MDGA2: variants seen among roughly 807,000 people sequenced by gnomAD.
MDGA2 encodes the protein MAM domain-containing glycosylphosphatidylinositol anchor protein 2.
Under a neutral mutation model 117.8 loss-of-function variants are expected in MDGA2, and 40 were observed. The observed-to-expected ratio is 0.34, with a 90% CI of 0.26 to 0.44. The LOEUF (loss-of-function observed/expected upper bound fraction) is 0.44. Among genes scored for constraint, MDGA2 ranks in the 20% least tolerant of loss-of-function variants. The probability of loss-of-function intolerance (pLI) is 1.00; values close to 1 mark genes in which losing one functional copy is unlikely to be tolerated. For missense variants in MDGA2, 1,123 were observed against 1,250.6 expected, an observed-to-expected ratio of 0.90 and a Z score of 1.54; for synonymous variants, 452 against 439.0, an observed-to-expected ratio of 1.03 and a Z score of -0.37.
chr14:47,262,278 A>T (rs1887822098), intron 2 of MDGA2, among the ~76,000 whole-genome samples: 1 of 152,158 alleles, frequency 6.6e-6, no homozygotes, highest in African/African-American at 2.4e-5. Flanking sequence ...CACTGTGGGA[A>T]TGGTGTAGTG....
chr14:47,323,972 G>T (rs140978071), intron 1 of MDGA2, among the ~76,000 whole-genome samples: 1 of 152,190 alleles, frequency 6.6e-6, no homozygotes, highest in South Asian at 2.1e-4. Flanking sequence ...TGGGCCAGGC[G>T]TGGTGGCTCA....
At chr14:47,351,137 G>A (rs978526039) in intron 1 of MDGA2, among the ~76,000 whole-genome samples, 2 of 147,366 alleles carry the variant, frequency 1.4e-5, no homozygotes, top group Non-Finnish European at 3.0e-5. Flanking sequence ...GGAGTGCAAT[G>A]GCACGATCTT....
At chr14:47,407,862 T>C (rs998464248) in intron 1 of MDGA2, among the ~76,000 whole-genome samples, 1 of 152,060 alleles carries the variant, frequency 6.6e-6, no homozygotes, top group Non-Finnish European at 1.5e-5. Flanking sequence ...AGGTGCAGAT[T>C]CTTGACTGCA....
intron 1 of MDGA2, among the ~76,000 whole-genome samples, chr14:47,620,071 C>T (rs926073484): frequency 1.3e-5 from 2 of 152,192 alleles, no homozygotes; most frequent in Non-Finnish European, 2.9e-5. Context: ...TGCCGGCATA[C>T]ATTAAATCTG....
At chr14:47,140,513 A>G (rs1882672101) in intron 4 of MDGA2, among the ~76,000 whole-genome samples, 1 of 152,142 alleles carries the variant, frequency 6.6e-6, no homozygotes, top group Admixed American at 6.6e-5. Context: ...TAGACAGCAC[A>G]TAACCAAATC....
chr14:47,623,901 TCAAA>T (rs1897094987), intron 1 of MDGA2, among the ~76,000 whole-genome samples: 1 of 152,202 alleles, frequency 6.6e-6, no homozygotes, highest in South Asian at 2.1e-4. Context: ...ATCCATCACT[TCAAA>T]CAAATTCTTT....
chr14:47,256,146 C>T (rs1887611257), intron 2 of MDGA2, among the ~76,000 whole-genome samples: 1 of 145,310 alleles, frequency 6.9e-6, no homozygotes, highest in Non-Finnish European at 1.5e-5. Context: ...ACTCTGATGG[C>T]TATTTTATTC....
chr14:47,275,584 G>C (rs1888285176), intron 2 of MDGA2, among the ~76,000 whole-genome samples: 1 of 152,108 alleles, frequency 6.6e-6, no homozygotes, highest in African/African-American at 2.4e-5. Flanking sequence ...ACTAAATCTA[G>C]ATAACTGTCA....
chr14:47,155,730 G>A (rs1170029588), intron 3 of MDGA2, among the ~76,000 whole-genome samples: 1 of 152,054 alleles, frequency 6.6e-6, no homozygotes, highest in African/African-American at 2.4e-5. Flanking sequence ...CAGCCTAACA[G>A]GCCGAGAGGG....
intron 8 of MDGA2, among the ~76,000 whole-genome samples, chr14:46,959,949 C>T (rs1202417859): frequency 6.6e-6 from 1 of 151,930 alleles, no homozygotes; most frequent in Non-Finnish European, 1.5e-5. Flanking sequence ...CATAGTTGGG[C>T]GTGGTGGCTC....
chr14:47,307,585 G>A (rs1889494393), intron 1 of MDGA2, among the ~76,000 whole-genome samples: 1 of 152,038 alleles, frequency 6.6e-6, no homozygotes, highest in Non-Finnish European at 1.5e-5. Flanking sequence ...GGAGGCTGAA[G>A]CAGGAGAATT....
intron 1 of MDGA2, among the ~76,000 whole-genome samples, chr14:47,667,728 C>T (rs1456765486): frequency 1.3e-5 from 2 of 152,214 alleles, no homozygotes; most frequent in Non-Finnish European, 2.9e-5. Flanking sequence ...TAGCTGTGAA[C>T]AAACCCTTCC....
intron 3 of MDGA2, among the ~76,000 whole-genome samples, chr14:47,213,798 C>T (rs1432535587): frequency 1.3e-5 from 2 of 151,994 alleles, no homozygotes; most frequent in African/African-American, 2.4e-5. Flanking sequence ...ACCACTATAA[C>T]TGCCCAAGAC....
chr14:47,051,652 A>G (rs1889461065), intron 7 of MDGA2, among the ~76,000 whole-genome samples: 1 of 151,842 alleles, frequency 6.6e-6, no homozygotes, highest in Non-Finnish European at 1.5e-5. Context: ...CCAACTGTAA[A>G]ATGAAACTTA....
chr14:47,286,830 T>TACACAC (rs1888700319), intron 2 of MDGA2, among the ~76,000 whole-genome samples: 1 of 116,172 alleles, frequency 8.6e-6, no homozygotes, highest in African/African-American at 2.8e-5. Flanking sequence ...TATATACATA[T>TACACAC]ATATATGTAT....
intron 8 of MDGA2, among the ~76,000 whole-genome samples, chr14:47,002,059 G>A (rs1215529131): frequency 6.6e-6 from 1 of 152,120 alleles, no homozygotes; most frequent in African/African-American, 2.4e-5. Flanking sequence ...AAGATGCTGG[G>A]AATGGAGAGG....
rs1176045145 is a variant in MDGA2 at position 47,241,327 on chromosome 14, C to A, written c.421-23132G>T. On this transcript the variant is annotated intron_variant, in intron 2 of 16. Coordinates refer to ENST00000399232, the MANE Select transcript of MDGA2 (RefSeq NM_001113498.3). Reference sequence around the variant, plus strand: ...CCATTGCTCTCCTTCAGGCTCCATGCACTTTTAGATAAACATCCAAACATC... The same window carrying A: ...CCATTGCTCTCCTTCAGGCTCCATGAACTTTTAGATAAACATCCAAACATC... Among the ~76,000 whole-genome samples the A allele has an allele frequency of 5.9e-5, 9 of 151,954 alleles. No individual in the cohort carries two copies. The East Asian group carries it at 1.5e-3, about 26-fold the overall frequency.
intron 3 of MDGA2, among the ~76,000 whole-genome samples, chr14:47,147,172 T>C (rs1882975256): frequency 6.6e-6 from 1 of 150,802 alleles, no homozygotes; most frequent in Admixed American, 6.6e-5. Context: ...TACATACTTA[T>C]ATATATAATA....
chr14:46,903,235 AC>A (rs2138453833), intron 10 of MDGA2, among the ~76,000 whole-genome samples: 1 of 152,290 alleles, frequency 6.6e-6, no homozygotes, highest in South Asian at 2.1e-4. Context: ...TGACACAAGA[AC>A]CCAGATTTAG....
Sources: gnomAD v4.1 joint callset for allele counts (sites outside exome capture counted in the v4.1 genomes callset) on GRCh38, gnomAD v4.1.1 for gene constraint, MANE v1.5 for transcripts, NCBI Gene and HGNC (gene_info 2026-07-23, HGNC 2026-07-21) for gene names.